Variants in CGNL1 observed in about 807,000 individuals in gnomAD.
The protein encoded by CGNL1 is cingulin-like protein 1.
CGNL1 carries 132 observed loss-of-function variants against 141.2 expected under a neutral mutation model. The ratio of observed to expected loss-of-function variants is 0.93; its 90% CI spans 0.81 to 1.08. The LOEUF is 1.08. CGNL1 is among the 50% of genes least tolerant of loss of function. CGNL1 has a pLI of 0.00. For missense variants in CGNL1, 1,870 were observed against 1,588.6 expected, an observed-to-expected ratio of 1.18 and a Z score of -3.01; for synonymous variants, 690 against 622.1, an observed-to-expected ratio of 1.11 and a Z score of -1.63.
chr15:57,461,857 C>A lies in CGNL1; in HGVS notation c.2368C>A (p.Gln790Lys), dbSNP rs758025408. The A allele has an allele frequency of 1.2e-6, 2 of 1,613,958 alleles. No individual in the cohort carries two copies. The highest frequency in any genetic ancestry group is 3.3e-5 in the Admixed American group (2 of 60,006). The stretch of plus-strand genomic sequence containing the variant: ...GAAGGAGCAATATGATGCTGAGTTG[C>A]AGGCCCTGAGGGAGAGTGTGGAAGA... The part of the protein sequence containing the change: ...KLKEQYDAEL[Q>K]ALRESVEEAT... Residue 790 changes from glutamine (Q) to lysine (K), a missense_variant, in exon 8 of 19, where the codon CAG becomes AAG. By Grantham distance (53) the Gln-to-Lys change is moderately conservative (BLOSUM62 1). Coordinates refer to ENST00000281282, the MANE Select transcript of CGNL1 (RefSeq NM_032866.5).
intron 1 of CGNL1, among the ~76,000 whole-genome samples, chr15:57,416,636 G>T (rs2062852519): frequency 6.6e-6 from 1 of 152,162 alleles, no homozygotes; most frequent in Non-Finnish European, 1.5e-5. Context: ...TGGTATCACA[G>T]TGTCCTAGGA....
chr15:57,509,190 G>T (rs1334055384), intron 8 of CGNL1, among the ~76,000 whole-genome samples: 1 of 152,116 alleles, frequency 6.6e-6, no homozygotes, highest in Non-Finnish European at 1.5e-5. Flanking sequence ...CTGACCTAGG[G>T]GATGCTTCTA....
At chr15:57,377,419 G>C (rs544799068) in intron 1 of CGNL1, among the ~76,000 whole-genome samples, 3 of 152,114 alleles carry the variant, frequency 2.0e-5, no homozygotes, top group Non-Finnish European at 4.4e-5. Context: ...CTGGGTTGCA[G>C]CCTGGACAAT....
chr15:57,419,712 A>G (rs1347718340), intron 1 of CGNL1, among the ~76,000 whole-genome samples: 1 of 152,182 alleles, frequency 6.6e-6, no homozygotes, highest in Non-Finnish European at 1.5e-5. Flanking sequence ...ATTTATCACT[A>G]CTGATATTGA....
At chr15:57,476,382 A>G (rs765338317) in intron 8 of CGNL1, among the ~76,000 whole-genome samples, 2 of 152,094 alleles carry the variant, frequency 1.3e-5, no homozygotes, top group Non-Finnish European at 1.5e-5. Flanking sequence ...AGGGGTAACC[A>G]TTTTCCTTAT....
intron 8 of CGNL1, among the ~76,000 whole-genome samples, chr15:57,476,890 A>G (rs531108655): frequency 1.8e-4 from 27 of 152,352 alleles, no homozygotes; most frequent in Non-Finnish European, 3.7e-4. Context: ...GACTGGGAGA[A>G]GCTTGTTCCA....
At chr15:57,488,714 C>A (rs2063818446) in intron 8 of CGNL1, among the ~76,000 whole-genome samples, 1 of 152,110 alleles carries the variant, frequency 6.6e-6, no homozygotes, top group Non-Finnish European at 1.5e-5. Context: ...CAGCTTGTGC[C>A]AAGAGTGGGT....
chr15:57,426,371 C>T (rs978235994), intron 1 of CGNL1, among the ~76,000 whole-genome samples: 1 of 151,942 alleles, frequency 6.6e-6, no homozygotes, highest in Non-Finnish European at 1.5e-5. Context: ...TCTTGAACTC[C>T]TGACCTCAAG....
intron 8 of CGNL1, among the ~76,000 whole-genome samples, chr15:57,467,076 C>T (rs1378384721): frequency 2.6e-5 from 4 of 152,156 alleles, no homozygotes; most frequent in African/African-American, 4.8e-5. Flanking sequence ...TTTTTAAATA[C>T]AGCACCTTAC....
At chr15:57,482,952 T>G (rs1180781325) in intron 8 of CGNL1, among the ~76,000 whole-genome samples, 1 of 151,936 alleles carries the variant, frequency 6.6e-6, no homozygotes, top group African/African-American at 2.4e-5. Flanking sequence ...GCCTGGCTAA[T>G]TTTTTTGTAT....
chr15:57,398,081 C>T (rs765654966), intron 1 of CGNL1, among the ~76,000 whole-genome samples: 27 of 152,072 alleles, frequency 1.8e-4, no homozygotes, highest in Non-Finnish European at 3.4e-4. Context: ...ATACCCAGCA[C>T]CATTTAAATT....
chr15:57,545,760 G>C (rs777954852), intron 17 of CGNL1, 60 bp downstream of exon 17: 3 of 1,359,270 alleles, frequency 2.2e-6, no homozygotes. Flanking sequence ...GGCTGAGGGA[G>C]CAAGGGAGGC....
chr15:57,480,002 G>T (rs1259265199), intron 8 of CGNL1, among the ~76,000 whole-genome samples: 13 of 152,188 alleles, frequency 8.5e-5, no homozygotes, highest in African/African-American at 2.9e-4. Context: ...TGAGATTTCT[G>T]CTCCAGGAAT....
chr15:57,539,035 C>T (rs1349358844), intron 14 of CGNL1, among the ~76,000 whole-genome samples: 1 of 152,158 alleles, frequency 6.6e-6, no homozygotes, highest in East Asian at 1.9e-4. Context: ...AGTTCCCGCC[C>T]AGCGCCCAGC....
intron 14 of CGNL1, among the ~76,000 whole-genome samples, chr15:57,533,798 G>T (rs1375423030): frequency 6.6e-6 from 1 of 152,180 alleles, no homozygotes; most frequent in African/African-American, 2.4e-5. Context: ...TCCATGATGT[G>T]GTCAAGGCTA....
intron 1 of CGNL1, among the ~76,000 whole-genome samples, chr15:57,406,596 A>AGT (rs2062725821): frequency 6.6e-6 from 1 of 152,188 alleles, no homozygotes; most frequent in East Asian, 1.9e-4. Context: ...GGTAAGTGGT[A>AGT]GTGACTAGAT....
Position 57,439,122 on chromosome 15 carries a change from C to T in CGNL1, c.1123C>T (p.Arg375Ter). 1 of 1,614,158 alleles carries T rather than the reference C, an allele frequency of 6.2e-7. No individual in the cohort carries two copies. Reference protein sequence around the residue: ...GLQRRGRSGKRNRINTDDRKR... With the variant: ...GLQRRGRSGK ...TCAGAGAAGAGGAAGGTCTGGGAAG[C>T]GAAACAGAATTAATACAGATGACAG... The change falls in exon 2 of 19, where the codon CGA becomes TGA. Residue 375 changes from arginine to a stop codon, truncating the protein, a stop_gained. Transcript: ENST00000281282. LOFTEE classifies it high-confidence loss of function.
chr15:57,518,066 G>A (rs1246680543), intron 9 of CGNL1, among the ~76,000 whole-genome samples: 1 of 151,902 alleles, frequency 6.6e-6, no homozygotes. Context: ...TTGGGAGGCT[G>A]AGAGGTGGGA....
intron 8 of CGNL1, among the ~76,000 whole-genome samples, chr15:57,468,239 T>TC (rs1567137005): frequency 9.8e-5 from 6 of 61,228 alleles, no homozygotes; most frequent in South Asian, 1.0e-3. Context: ...TTTTTCTTTT[T>TC]TTTTTTTTTT....
Sources: gnomAD v4.1 joint callset for allele counts (sites outside exome capture counted in the v4.1 genomes callset) on GRCh38, gnomAD v4.1.1 for gene constraint, MANE v1.5 for transcripts, NCBI Gene and HGNC (gene_info 2026-07-23, HGNC 2026-07-21) for gene names.